CATSPERE: variants seen among roughly 807,000 people sequenced by gnomAD.
CATSPERE encodes catsper channel auxiliary subunit epsilon, also known as cation channel sperm-associated auxiliary subunit epsilon.
Under a neutral mutation model 114.1 loss-of-function variants are expected in CATSPERE, and 93 were observed. The observed-to-expected ratio is 0.81, with a 90% CI of 0.69 to 0.97. The LOEUF (loss-of-function observed/expected upper bound fraction) is 0.97, where lower values mean the gene tolerates loss of function less well. Among genes scored for constraint, CATSPERE ranks in the 50% least tolerant of loss-of-function variants. CATSPERE has a pLI of 0.00. For missense variants in CATSPERE, 1,058 were observed against 1,131.6 expected (o/e 0.93, Z 0.93); for synonymous variants, 341 against 384.1 (o/e 0.89, Z 1.31).
intron 13 of CATSPERE, among the ~76,000 whole-genome samples, chr1:244,585,373 A>G (rs1292208103): frequency 2.0e-5 from 3 of 152,196 alleles, no homozygotes; most frequent in East Asian, 3.8e-4. Context: ...CAAGGACAGG[A>G]CAAATCTAGC....
chr1:244,569,292 C>G (rs897410350), intron 10 of CATSPERE, among the ~76,000 whole-genome samples: 1 of 152,200 alleles, frequency 6.6e-6, no homozygotes, highest in Admixed American at 6.5e-5. Context: ...TCCCAATGAG[C>G]TAAACCTCAG....
chr1:244,591,661 TTA>T lies in CATSPERE; in HGVS notation c.2139-18_2139-17del. The stretch of plus-strand genomic sequence containing the variant: ...TTTAAGAAATGATATTTCAACTTCA[TTA>T]TGTTTTGTCTTTTGTAGATTTAGTA... On this transcript the variant is annotated intron_variant, in intron 14 of 21. Coordinates refer to ENST00000366534, the MANE Select transcript of CATSPERE (RefSeq NM_001130957.2). 1 of 1,404,420 alleles carries T rather than the reference TTA, an allele frequency of 7.1e-7. No homozygotes were observed. Among genetic ancestry groups the T allele is most frequent in the African/African-American group, 1.4e-5 (1 of 69,758 alleles). The allele number at this position is 1,404,420 out of a possible 1,614,324, so 87.0% of individuals were successfully genotyped here.
chr1:244,464,432 G>A (rs1230793996), intron 2 of CATSPERE, among the ~76,000 whole-genome samples: 1 of 151,944 alleles, frequency 6.6e-6, no homozygotes, highest in African/African-American at 2.4e-5. Flanking sequence ...TACCCCTATT[G>A]CTGGACATAT....
At chr1:244,544,685 TATG>T (rs1427923869) in intron 8 of CATSPERE, among the ~76,000 whole-genome samples, 10 of 152,198 alleles carry the variant, frequency 6.6e-5, no homozygotes, top group African/African-American at 1.4e-4. Context: ...GCAGGGATGG[TATG>T]ATTTCCACGT....
intron 8 of CATSPERE, among the ~76,000 whole-genome samples, chr1:244,525,512 A>G (rs1678438023): frequency 6.6e-6 from 1 of 151,814 alleles, no homozygotes; most frequent in Admixed American, 6.6e-5. Flanking sequence ...AATATAATAA[A>G]ATAAAAAAGA....
chr1:244,561,225 T>C lies in CATSPERE; in HGVS notation c.1507+80T>C, dbSNP rs953797278. ...CTTATAATGATGTAACACTTTTTAA[T>C]GTACCAATGTGTGGCGTTTTTGGCA... On this transcript the variant is annotated intron_variant, in intron 10 of 21. Coordinates refer to ENST00000366534, the MANE Select transcript of CATSPERE (RefSeq NM_001130957.2). 8 of 1,047,488 alleles carry C rather than the reference T, an allele frequency of 7.6e-6. No individual in the cohort carries two copies. The African/African-American group carries it at 1.3e-4, about 17-fold the overall frequency. The allele number at this position is 1,047,488 out of a possible 1,614,324, so 64.9% of individuals were successfully genotyped here.
intron 2 of CATSPERE, among the ~76,000 whole-genome samples, chr1:244,470,467 T>G (rs1365585798): frequency 6.6e-6 from 1 of 152,218 alleles, no homozygotes; most frequent in Non-Finnish European, 1.5e-5. Flanking sequence ...AATAAGATAC[T>G]ACTTCGCACC....
Position 244,572,777 on chromosome 1 carries a change from G to T in CATSPERE, c.1950+5G>T. The stretch of plus-strand genomic sequence containing the variant: ...GGATACTGCACCAAAACTCTGGTAA[G>T]CTAATATTTTAAATTTCTTCATTTG... On this transcript the variant is annotated splice_donor_5th_base_variant and intron_variant, in intron 11 of 21. Transcript: ENST00000366534. 1 of 1,530,032 alleles carries T rather than the reference G, an allele frequency of 6.5e-7. No homozygotes were observed. The highest frequency in any genetic ancestry group is 8.8e-7 in the Non-Finnish European group (1 of 1,136,912). 94.8% of individuals were successfully genotyped at this position (1,530,032 alleles called of 1,614,324 possible).
chr1:244,475,166 A>AT (rs1255658476), intron 2 of CATSPERE, among the ~76,000 whole-genome samples: 2 of 147,108 alleles, frequency 1.4e-5, no homozygotes, highest in East Asian at 3.9e-4. Context: ...ATTTGGGGAG[A>AT]TTTTCTCTGT....
intron 6 of CATSPERE, among the ~76,000 whole-genome samples, chr1:244,490,740 T>C (rs934136597): frequency 4.6e-5 from 7 of 152,180 alleles, no homozygotes; most frequent in African/African-American, 1.4e-4. Context: ...CAGAGATGAT[T>C]ATCCAGCTGT....
chr1:244,604,694 G>GAC (rs1214957077), intron 17 of CATSPERE, among the ~76,000 whole-genome samples: 2 of 152,212 alleles, frequency 1.3e-5, no homozygotes, highest in Non-Finnish European at 2.9e-5. Context: ...TCAGAAATAT[G>GAC]GGAGTAACTG....
chr1:244,612,474 G>A (rs530900177), intron 19 of CATSPERE, among the ~76,000 whole-genome samples: 4 of 152,206 alleles, frequency 2.6e-5, no homozygotes, highest in South Asian at 2.1e-4. Context: ...ATAAGCAAGC[G>A]TGGCATTTTC....
intron 3 of CATSPERE, 88 bp from the exon 4 acceptor site, chr1:244,477,818 G>T: frequency 8.7e-7 from 1 of 1,146,462 alleles, no homozygotes; most frequent in South Asian, 1.4e-5. Context: ...GCATACAATT[G>T]AAATTTTTAG....
intron 10 of CATSPERE, among the ~76,000 whole-genome samples, chr1:244,564,996 T>C (rs1338121584): frequency 1.3e-5 from 2 of 152,186 alleles, no homozygotes; most frequent in Non-Finnish European, 2.9e-5. Flanking sequence ...TCTGCATCTA[T>C]TGAGACAAAC....
rs1224158638 is a variant in CATSPERE, at chr1:244,568,787, G to C, written c.1508-3543G>C. ...TCTTAGCTTGCTGGACTCCATAGGG[G>C]TGGGATCCACTGAGCTAGACCACTT... On this transcript the variant is annotated intron_variant, in intron 10 of 21. Coordinates refer to ENST00000366534, the MANE Select transcript of CATSPERE (RefSeq NM_001130957.2). The surrounding 1 kb of genome is among the most constrained non-coding windows in gnomAD (Gnocchi z 4.4). Among the ~76,000 whole-genome samples, 1 of 152,212 alleles carries C rather than the reference G, an allele frequency of 6.6e-6. No homozygotes were observed. Among genetic ancestry groups the C allele is most frequent in the Admixed American group, 6.5e-5 (1 of 15,280 alleles).
At chr1:244,545,443 G>C (rs566699393) in intron 8 of CATSPERE, among the ~76,000 whole-genome samples, 1 of 152,180 alleles carries the variant, frequency 6.6e-6, no homozygotes, top group Non-Finnish European at 1.5e-5. Flanking sequence ...AGTCTAGGCT[G>C]CTGTGCAGAC....
intron 14 of CATSPERE, 105 bp downstream of exon 14, chr1:244,588,639 C>A: frequency 1.2e-6 from 1 of 866,458 alleles, no homozygotes; most frequent in Non-Finnish European, 1.9e-6. Context: ...GACACATCCA[C>A]AATGAAATCC....
intron 17 of CATSPERE, among the ~76,000 whole-genome samples, chr1:244,597,179 T>G (rs1668551547): frequency 6.6e-6 from 1 of 152,034 alleles, no homozygotes; most frequent in Admixed American, 6.6e-5. Flanking sequence ...AAAACAAAAT[T>G]AACAAACACA....
intron 7 of CATSPERE, among the ~76,000 whole-genome samples, chr1:244,505,429 A>G (rs1008632218): frequency 6.6e-6 from 1 of 152,166 alleles, no homozygotes; most frequent in Non-Finnish European, 1.5e-5. Context: ...GTGTGTACTA[A>G]TCCAAGCATA....
Sources: gnomAD v4.1 joint callset for allele counts (sites outside exome capture counted in the v4.1 genomes callset) on GRCh38, gnomAD v4.1.1 for gene constraint, Gnocchi (gnomAD v3.1) non-coding constraint, MANE v1.5 for transcripts, NCBI Gene and HGNC (gene_info 2026-07-23, HGNC 2026-07-21) for gene names.